Variants in RNASE4 observed in about 807,000 individuals in gnomAD.
RNASE4 encodes ribonuclease A family member 4, also known as ribonuclease 4.
For missense variants in RNASE4, 194 were observed against 192.8 expected, an observed-to-expected ratio of 1.01 and a Z score of -0.04; for synonymous variants, 93 against 71.4, an observed-to-expected ratio of 1.30 and a Z score of -1.52.
In RNASE4 at chr14:20,695,782, G is replaced by C. The variant is rs573683944; in HGVS notation, c.-17-3573G>C. On this transcript the variant is annotated intron_variant, in intron 1 of 1. Coordinates refer to ENST00000555835, the MANE Select transcript of RNASE4 (RefSeq NM_002937.5). ...TCCAGGTACCACCTAGGAGAGCCCA[G>C]CCTCACTGAAAGTATTCAAATTTAG... Among the ~76,000 whole-genome samples the C allele has an allele frequency of 4.6e-5, 7 of 152,338 alleles. No homozygotes were observed. The South Asian group carries it at 1.4e-3, about 32-fold the overall frequency.
chr14:20,692,631 C>T (rs1333854155), intron 1 of RNASE4, among the ~76,000 whole-genome samples: 1 of 152,194 alleles, frequency 6.6e-6, no homozygotes, highest in Non-Finnish European at 1.5e-5. Context: ...CTATCTGAAC[C>T]AGAACAATTT....
chr14:20,699,367 T>G lies in RNASE4; in HGVS notation c.-5T>G, dbSNP rs1887200077. 3.8e-6 allele frequency: 6 copies of G among 1,583,734 alleles called. No homozygotes were observed. In the East Asian group the frequency reaches 1.4e-4, roughly 36 times the overall value. On this transcript the variant is annotated 5_prime_UTR_variant, in exon 2 of 2. Transcript: ENST00000555835. Reference sequence around the variant, plus strand: ...CTTTCTTTTCTAGGCACCTCTAAGATACTGATGGCTCTGCAGAGGACCCAT... The same window carrying G: ...CTTTCTTTTCTAGGCACCTCTAAGAGACTGATGGCTCTGCAGAGGACCCAT...
At chr14:20,687,289 T>C (rs1886471799) in intron 1 of RNASE4, among the ~76,000 whole-genome samples, 1 of 152,242 alleles carries the variant, frequency 6.6e-6, no homozygotes, top group African/African-American at 2.4e-5. Context: ...AACTGTCTTT[T>C]TGCATTGTGG....
intron 1 of RNASE4, among the ~76,000 whole-genome samples, chr14:20,691,896 C>T (rs1299063874): frequency 3.3e-5 from 5 of 152,230 alleles, no homozygotes; most frequent in African/African-American, 9.7e-5. Context: ...TCTAGATCCA[C>T]AGTCTTGCTC....
intron 1 of RNASE4, among the ~76,000 whole-genome samples, chr14:20,695,394 CAAA>C (rs552960263): frequency 4.4e-5 from 5 of 114,658 alleles, no homozygotes; most frequent in Middle Eastern, 4.4e-3. Context: ...GACTCCATCT[CAAA>C]AAAAAAAAAA....
rs1887217634 is a variant in RNASE4, at chr14:20,699,579, T to G, written c.208T>G (p.Phe70Val). ...RKMTLYHCKR[F>V]NTFIHEDIWN... is the part of the protein sequence containing the mutation. ...GATGACTTTGTATCACTGCAAGCGCTTCAACACCTTCATCCATGAAGATAT... is the reference window on the plus strand; with the variant it reads ...GATGACTTTGTATCACTGCAAGCGCGTCAACACCTTCATCCATGAAGATAT... Residue 70 changes from phenylalanine (F) to valine (V), a missense_variant, in exon 2 of 2, where the codon TTC (phenylalanine) becomes GTC (valine). Coordinates refer to ENST00000555835, the MANE Select transcript of RNASE4 (RefSeq NM_002937.5). 6.2e-7 allele frequency: 1 copy of G among 1,614,062 alleles called. No individual in the cohort carries two copies. Among genetic ancestry groups the G allele is most frequent in the South Asian group, 1.1e-5 (1 of 91,088 alleles).
In RNASE4 at chr14:20,699,656, CA is replaced by C; in HGVS notation, c.287del (p.Lys96ArgfsTer2). The part of the protein sequence containing the change: ...STTNIQCKNG[K>X]MNCHEGVVKV... ...CCACCAATATCCAATGCAAGAACGG[CA>C]AGATGAACTGCCATGAGGGTGTAGT... On this transcript the variant is annotated frameshift_variant, in exon 2 of 2. Coordinates refer to ENST00000555835, the MANE Select transcript of RNASE4 (RefSeq NM_002937.5). LOFTEE classifies it low-confidence loss of function (END_TRUNC). The C allele has an allele frequency of 6.2e-7, 1 of 1,612,160 alleles. No homozygotes were observed. The highest frequency in any genetic ancestry group is 8.5e-7 in the Non-Finnish European group (1 of 1,180,020).
chr14:20,696,204 C>T (rs1262327354), intron 1 of RNASE4, among the ~76,000 whole-genome samples: 1 of 152,122 alleles, frequency 6.6e-6, no homozygotes. Flanking sequence ...GCATTATCAT[C>T]GCATAGTTTG....
chr14:20,693,900 C>A, intron 1 of RNASE4: 1 of 1,614,176 alleles, frequency 6.2e-7, no homozygotes, highest in Non-Finnish European at 8.5e-7. Flanking sequence ...GAGGTTCCCC[C>A]TGGCCTCCAT....
At chr14:20,692,164 A>T (rs1440451643) in intron 1 of RNASE4, among the ~76,000 whole-genome samples, 1 of 152,258 alleles carries the variant, frequency 6.6e-6, no homozygotes, top group East Asian at 1.9e-4. Context: ...TAAGAATTGT[A>T]TTACACTTAA....
Position 20,699,335 on chromosome 14 carries a change from C to A in RNASE4, c.-17-20C>A, listed in dbSNP as rs760086522. Reference sequence around the variant, plus strand: ...CCCAGTTCTTACCTTATTTCTCCTGCCCCTTGCTTTCTTTTCTAGGCACCT... The same window carrying A: ...CCCAGTTCTTACCTTATTTCTCCTGACCCTTGCTTTCTTTTCTAGGCACCT... On this transcript the variant is annotated intron_variant, in intron 1 of 1. Coordinates refer to ENST00000555835, the MANE Select transcript of RNASE4 (RefSeq NM_002937.5). 6.5e-7 allele frequency: 1 copy of A among 1,535,298 alleles called. No homozygotes were observed. The highest frequency in any genetic ancestry group is 8.7e-7 in the Non-Finnish European group (1 of 1,143,766).
intron 1 of RNASE4, chr14:20,694,087 A>G: frequency 3.9e-6 from 6 of 1,526,842 alleles, no homozygotes; most frequent in Non-Finnish European, 3.6e-6. Context: ...AGTGGTGGCA[A>G]CATTCATTGC....
intron 1 of RNASE4, among the ~76,000 whole-genome samples, chr14:20,696,823 A>G (rs80107387): frequency 0.025 from 3,795 of 152,174 alleles, 63 homozygotes; most frequent in Non-Finnish European, 0.035. Flanking sequence ...TTTTCTTTTC[A>G]TAACATCCCT....
At chr14:20,696,389 G>C (rs1887095250) in intron 1 of RNASE4, among the ~76,000 whole-genome samples, 1 of 152,084 alleles carries the variant, frequency 6.6e-6, no homozygotes, top group African/African-American at 2.4e-5. Flanking sequence ...TCAAGTCACA[G>C]GCAGGTCATT....
At chr14:20,689,943 C>T (rs1291821452) in intron 1 of RNASE4, among the ~76,000 whole-genome samples, 4 of 145,998 alleles carry the variant, frequency 2.7e-5, no homozygotes, top group Non-Finnish European at 6.0e-5. Flanking sequence ...AGGCCGGGCG[C>T]GGTGGCTCAC....
intron 1 of RNASE4, among the ~76,000 whole-genome samples, chr14:20,697,965 A>C (rs757948236): frequency 1.4e-4 from 22 of 152,286 alleles, no homozygotes; most frequent in Non-Finnish European, 2.9e-4. Context: ...GTCCACCTCC[A>C]GTCTTGATTA....
At chr14:20,694,820 G>A (rs1887022794) in intron 1 of RNASE4, among the ~76,000 whole-genome samples, 1 of 151,976 alleles carries the variant, frequency 6.6e-6, no homozygotes, top group African/African-American at 2.4e-5. Context: ...AGTTTCCAAG[G>A]ACCAAGTACC....
At chr14:20,697,790 C>T (rs866898205) in intron 1 of RNASE4, among the ~76,000 whole-genome samples, 2 of 152,268 alleles carry the variant, frequency 1.3e-5, no homozygotes, top group Middle Eastern at 3.4e-3. Context: ...AAAACATTGC[C>T]CTTGCTAATT....
At chr14:20,691,648 TGGACAAATGTCGGTGC>T (rs1293183970) in intron 1 of RNASE4, among the ~76,000 whole-genome samples, 1 of 152,244 alleles carries the variant, frequency 6.6e-6, no homozygotes, top group Non-Finnish European at 1.5e-5. Flanking sequence ...CTCTCAAGTA[TGGACAAATGTCGGTGC>T]GGACAAATTT....
Sources: allele counts gnomAD v4.1 joint callset (sites outside exome capture counted in the v4.1 genomes callset), GRCh38; gene constraint gnomAD v4.1.1; transcripts MANE v1.5; gene names NCBI Gene and HGNC (gene_info 2026-07-23, HGNC 2026-07-21).